Variants in PRKX observed in about 807,000 individuals in gnomAD.
The protein encoded by PRKX is protein kinase cAMP-dependent X-linked catalytic subunit, also known as cAMP-dependent protein kinase catalytic subunit PRKX.
PRKX carries 12 observed loss-of-function variants against 22.0 expected under a neutral mutation model. The ratio of observed to expected loss-of-function variants is 0.54; its 90% CI spans 0.35 to 0.88. The LOEUF (loss-of-function observed/expected upper bound fraction) is 0.88, where lower values mean the gene tolerates loss of function less well. PRKX is among the 40% of genes least tolerant of loss of function. The pLI, the probability that PRKX is intolerant of heterozygous loss-of-function variation, is 0.01. For missense variants in PRKX, 217 were observed against 308.0 expected (o/e 0.70, Z 2.21); for synonymous variants, 134 against 137.7 (o/e 0.97, Z 0.19).
At chrX:3,689,684 A>G (rs1928260042) in intron 1 of PRKX, among the ~76,000 whole-genome samples, 1 of 111,758 alleles carries the variant, frequency 8.9e-6, no homozygotes, top group Admixed American at 9.5e-5. Context: ...TGTCTCAAAA[A>G]ATGAATGAAT....
intron 5 of PRKX, among the ~76,000 whole-genome samples, chrX:3,625,864 C>T (rs1215342172): frequency 8.9e-6 from 1 of 111,914 alleles, no homozygotes; most frequent in East Asian, 2.8e-4. Context: ...AGCCACCACG[C>T]CCAGCCGCGT....
At chrX:3,675,247 C>CTTA (rs1927928552) in intron 1 of PRKX, among the ~76,000 whole-genome samples, 1 of 111,669 alleles carries the variant, frequency 9.0e-6, no homozygotes, top group Admixed American at 9.6e-5. Flanking sequence ...GTTTCCTTAA[C>CTTA]GCACATTAAG....
intron 4 of PRKX, among the ~76,000 whole-genome samples, chrX:3,631,425 G>A (rs1162992184): frequency 1.8e-5 from 2 of 112,333 alleles, no homozygotes; most frequent in African/African-American, 6.5e-5. Context: ...GCAGTGATGC[G>A]GCCACAAGCC....
At chrX:3,657,344 G>A (rs750624698) in intron 2 of PRKX, among the ~76,000 whole-genome samples, 1 of 110,978 alleles carries the variant, frequency 9.0e-6, no homozygotes, top group South Asian at 3.9e-4. Context: ...CAGGACTGGA[G>A]TCCTAAGAAG....
intron 5 of PRKX, among the ~76,000 whole-genome samples, chrX:3,623,151 C>CGTGTGTGTGTGT (rs60593114): frequency 7.0e-4 from 67 of 96,116 alleles, no homozygotes; most frequent in Middle Eastern, 0.011. Flanking sequence ...TAAATTTCAA[C>CGTGTGTGTGTGT]GTGTGTGTGT....
chrX:3,629,481 C>T (rs749257789), intron 4 of PRKX, among the ~76,000 whole-genome samples: 46 of 106,676 alleles, frequency 4.3e-4, no homozygotes, highest in Non-Finnish European at 6.7e-4. Flanking sequence ...TGGTCTCAAA[C>T]GCTTGGGCTC....
chrX:3,609,625 T>C (rs950222430), intron 8 of PRKX, among the ~76,000 whole-genome samples: 4 of 107,147 alleles, frequency 3.7e-5, no homozygotes, highest in East Asian at 5.7e-4. Flanking sequence ...TGGCTAACTT[T>C]TTTATTTTTT....
In PRKX at chrX:3,631,365, G is replaced by A. The variant is rs763752421; in HGVS notation, c.720-4851C>T. On this transcript the variant is annotated intron_variant, in intron 4 of 8. Transcript: ENST00000262848. ...AGGTATCCTCATAAGAGACTCAAGA[G>A]GAGGCACACACACAGAGGAGAAGGC... is the stretch of plus-strand genomic sequence containing the variant. Among the ~76,000 whole-genome samples, 58 of 112,768 alleles carry A rather than the reference G, an allele frequency of 5.1e-4. 1 individual carries two copies. Among genetic ancestry groups the A allele is most frequent in the Admixed American group, 1.0e-3 (11 of 10,646 alleles).
rs757223132 is a variant in PRKX, at chrX:3,612,341, G to T, written c.952-16C>A. On this transcript the variant is annotated splice_polypyrimidine_tract_variant and intron_variant, in intron 7 of 8. Transcript: ENST00000262848. ...CGATGGGAGGCTGTGAGACATGGCCGAAGCACAAAGGCATGGTTAGAAAGG... is the reference window on the plus strand; with the variant it reads ...CGATGGGAGGCTGTGAGACATGGCCTAAGCACAAAGGCATGGTTAGAAAGG... 1 of 1,203,937 alleles carries T rather than the reference G, an allele frequency of 8.3e-7. No homozygotes were observed. Among genetic ancestry groups the T allele is most frequent in the Non-Finnish European group, 1.1e-6 (1 of 891,739 alleles).
At chrX:3,711,176 C>T (rs1305552223) in intron 1 of PRKX, among the ~76,000 whole-genome samples, 1 of 110,607 alleles carries the variant, frequency 9.0e-6, no homozygotes, top group Admixed American at 9.7e-5. Flanking sequence ...CACACACACA[C>T]CCCTGGGTCC....
At chrX:3,697,457 T>C (rs1032693971) in intron 1 of PRKX, among the ~76,000 whole-genome samples, 2 of 112,021 alleles carry the variant, frequency 1.8e-5, no homozygotes, top group Non-Finnish European at 3.8e-5. Flanking sequence ...TACTCCTTTA[T>C]CTCCTGGGTC....
chrX:3,640,568 C>T (rs1209972439), intron 4 of PRKX, among the ~76,000 whole-genome samples: 2 of 111,777 alleles, frequency 1.8e-5, no homozygotes, highest in African/African-American at 3.3e-5. Flanking sequence ...AACAAATGAC[C>T]GACCTCTGTT....
intron 1 of PRKX, among the ~76,000 whole-genome samples, chrX:3,692,762 C>T (rs982424934): frequency 5.4e-5 from 6 of 111,021 alleles, no homozygotes; most frequent in Non-Finnish European, 1.1e-4. Flanking sequence ...CTCCTGACCT[C>T]GTGGTCCACC....
Position 3,670,665 on chromosome X carries a change from C to A in PRKX, c.335+3933G>T, listed in dbSNP as rs552569856. 2.7e-5 allele frequency among the ~76,000 whole-genome samples: 3 copies of A among 110,878 alleles called. No homozygotes were observed. In the South Asian group the frequency reaches 1.2e-3, roughly 43 times the overall value. ...GGATCAAGCGATCCCCCTACCTCAG[C>A]CTCCTGAGTAGCAGGGACTACAGGC... is the stretch of plus-strand genomic sequence containing the variant. On this transcript the variant is annotated intron_variant, in intron 2 of 8. Coordinates refer to ENST00000262848, the MANE Select transcript of PRKX (RefSeq NM_005044.5).
At chrX:3,669,150 T>C (rs766555167) in intron 2 of PRKX, among the ~76,000 whole-genome samples, 1 of 112,443 alleles carries the variant, frequency 8.9e-6, no homozygotes, top group South Asian at 3.7e-4. Context: ...TATCTCAATA[T>C]CTATCAACCA....
At chrX:3,704,177 T>C (rs1287945958) in intron 1 of PRKX, among the ~76,000 whole-genome samples, 2 of 111,990 alleles carry the variant, frequency 1.8e-5, no homozygotes, top group Non-Finnish European at 3.8e-5. Flanking sequence ...CTTGAAAGTA[T>C]TGGTTGCATT....
intron 1 of PRKX, among the ~76,000 whole-genome samples, chrX:3,709,183 CA>C (rs35004174): frequency 7.4e-4 from 35 of 47,609 alleles, no homozygotes; most frequent in Non-Finnish European, 7.7e-4. Context: ...GACCCTGTCT[CA>C]AAAAAAAAAA....
chrX:3,710,781 T>C (rs1376947438), intron 1 of PRKX, among the ~76,000 whole-genome samples: 2 of 111,590 alleles, frequency 1.8e-5, no homozygotes, highest in Non-Finnish European at 3.8e-5. Flanking sequence ...GGGTGCTTGT[T>C]TGGGGCCTGA....
intron 2 of PRKX, among the ~76,000 whole-genome samples, chrX:3,671,907 G>A (rs190698841): frequency 8.9e-6 from 1 of 111,844 alleles, no homozygotes; most frequent in Non-Finnish European, 1.9e-5. Context: ...TGGATTGCTT[G>A]CAGCCTAAAG....
Sources: gnomAD v4.1 joint callset for allele counts (sites outside exome capture counted in the v4.1 genomes callset) on GRCh38, gnomAD v4.1.1 for gene constraint, MANE v1.5 for transcripts, NCBI Gene and HGNC (gene_info 2026-07-23, HGNC 2026-07-21) for gene names.